SLC9A9: variants seen among roughly 807,000 people sequenced by gnomAD.
The protein encoded by SLC9A9 is solute carrier family 9 member A9, also known as sodium/hydrogen exchanger 9.
In SLC9A9, 62 loss-of-function variants were observed where a neutral mutation model predicts 77.8. The ratio of observed to expected loss-of-function variants is 0.80; its 90% confidence interval spans 0.65 to 0.98. The LOEUF is 0.98. Ranked by LOEUF, SLC9A9 falls within the 50% of genes least tolerant of loss-of-function variation. The pLI is 0.00. For missense variants in SLC9A9, 775 were observed against 774.9 expected, an observed-to-expected ratio of 1.00 and a Z score of 0.00; for synonymous variants, 320 against 283.5, an observed-to-expected ratio of 1.13 and a Z score of -1.29.
intron 4 of SLC9A9, among the ~76,000 whole-genome samples, chr3:143,719,274 A>G (rs1485571704): frequency 9.2e-5 from 14 of 152,140 alleles, no homozygotes; most frequent in Admixed American, 5.2e-4. Flanking sequence ...ACACACCTCC[A>G]TTTCTACTGG....
chr3:143,476,613 G>A (rs838631), intron 11 of SLC9A9, among the ~76,000 whole-genome samples: 111,097 of 152,180 alleles, frequency 0.73, 40,751 homozygotes, highest in African/African-American at 0.79. Flanking sequence ...GAGAGTTTCA[G>A]GAGAAAGGCT....
Position 143,796,838 on chromosome 3 carries a change from A to G in SLC9A9, c.444T>C (p.Tyr148=). The change falls in exon 3 of 16, where the codon TAT becomes TAC. Residue 148 remains tyrosine, a synonymous_variant. Transcript: ENST00000316549. ...LLPPIIFHAG[Y]SLKKRHFFQN... ...ACTATATATTTACCTTCTTTAGACTATATCCTGCATGAAATATAATTGGTG... is the reference window on the plus strand; with the variant it reads ...ACTATATATTTACCTTCTTTAGACTGTATCCTGCATGAAATATAATTGGTG... 2 of 1,608,278 alleles carry G rather than the reference A, an allele frequency of 1.2e-6. No individual in the cohort carries two copies. Among genetic ancestry groups the G allele is most frequent in the Non-Finnish European group, 8.5e-7 (1 of 1,175,384 alleles).
intron 6 of SLC9A9, among the ~76,000 whole-genome samples, chr3:143,623,679 A>C (rs1387038540): frequency 6.6e-6 from 1 of 152,222 alleles, no homozygotes; most frequent in African/African-American, 2.4e-5. Flanking sequence ...TCTAAAATTG[A>C]CACCCTAACA....
intron 6 of SLC9A9, among the ~76,000 whole-genome samples, chr3:143,615,167 A>G (rs1245510609): frequency 6.6e-6 from 1 of 152,210 alleles, no homozygotes; most frequent in East Asian, 1.9e-4. Flanking sequence ...TGAATTTAGA[A>G]TGATAATCCC....
intron 4 of SLC9A9, among the ~76,000 whole-genome samples, chr3:143,793,844 T>C (rs1271149861): frequency 6.6e-6 from 1 of 152,136 alleles, no homozygotes; most frequent in Non-Finnish European, 1.5e-5. Context: ...AGAAAAGCCC[T>C]CCTAGAACAT....
At chr3:143,806,592 TA>T (rs1329396920) in intron 2 of SLC9A9, among the ~76,000 whole-genome samples, 1 of 152,204 alleles carries the variant, frequency 6.6e-6, no homozygotes, top group Non-Finnish European at 1.5e-5. Flanking sequence ...AAGGATTTTT[TA>T]ATTAAAAATT....
intron 5 of SLC9A9, among the ~76,000 whole-genome samples, chr3:143,657,326 A>C (rs2038907511): frequency 6.6e-6 from 1 of 152,218 alleles, no homozygotes; most frequent in African/African-American, 2.4e-5. Context: ...ATTTTATTTT[A>C]ACCATCAATA....
chr3:143,662,601 A>G (rs910806414), intron 5 of SLC9A9, among the ~76,000 whole-genome samples: 4 of 151,978 alleles, frequency 2.6e-5, no homozygotes, highest in Non-Finnish European at 5.9e-5. Flanking sequence ...CTCGTGCTCT[A>G]ATACTGTGCT....
At chr3:143,456,799 A>G (rs1097940) in intron 12 of SLC9A9, among the ~76,000 whole-genome samples, 77,422 of 151,928 alleles carry the variant, frequency 0.51, 20,469 homozygotes, top group Non-Finnish European at 0.58. Flanking sequence ...TCCTGACCTC[A>G]TGATCCATCC....
At chr3:143,274,808 C>G (rs1226457008) in intron 14 of SLC9A9, among the ~76,000 whole-genome samples, 1 of 152,188 alleles carries the variant, frequency 6.6e-6, no homozygotes, top group Non-Finnish European at 1.5e-5. Context: ...TAACAATTAC[C>G]TAAAACATTA....
chr3:143,618,855 T>C (rs1380966052), intron 6 of SLC9A9, among the ~76,000 whole-genome samples: 3 of 152,208 alleles, frequency 2.0e-5, no homozygotes, highest in Non-Finnish European at 4.4e-5. Flanking sequence ...GAATTTCCTA[T>C]CTACTTGGCC....
intron 4 of SLC9A9, among the ~76,000 whole-genome samples, chr3:143,734,917 T>C (rs1934901542): frequency 1.3e-5 from 2 of 152,146 alleles, no homozygotes; most frequent in African/African-American, 4.8e-5. Context: ...CTCTTGTGGC[T>C]AAGGCATAAT....
At chr3:143,288,149 AT>A (rs1417672460) in intron 14 of SLC9A9, among the ~76,000 whole-genome samples, 1 of 152,160 alleles carries the variant, frequency 6.6e-6, no homozygotes, top group East Asian at 1.9e-4. Flanking sequence ...CTTATGGAAA[AT>A]AGCCTTCAAA....
intron 1 of SLC9A9, among the ~76,000 whole-genome samples, chr3:143,837,813 C>A (rs193026561): frequency 3.9e-4 from 59 of 152,300 alleles, no homozygotes; most frequent in African/African-American, 1.3e-3. Context: ...TCACATCCTA[C>A]AGGAGAGACA....
intron 5 of SLC9A9, among the ~76,000 whole-genome samples, chr3:143,654,165 G>A (rs2038847635): frequency 1.3e-5 from 2 of 152,138 alleles, no homozygotes; most frequent in Non-Finnish European, 2.9e-5. Flanking sequence ...AAAAGCATGC[G>A]AGGTAATACA....
At chr3:143,277,761 C>T (rs1239710559) in intron 14 of SLC9A9, among the ~76,000 whole-genome samples, 1 of 152,206 alleles carries the variant, frequency 6.6e-6, no homozygotes, top group African/African-American at 2.4e-5. Context: ...TAGATGCCCT[C>T]TGTTAGCTTG....
intron 4 of SLC9A9, among the ~76,000 whole-genome samples, chr3:143,781,889 G>T (rs575844879): frequency 2.0e-5 from 3 of 152,148 alleles, no homozygotes; most frequent in Admixed American, 1.3e-4. Context: ...ATAAAGCATC[G>T]CAGAGCTGTA....
At chr3:143,366,511 A>C (rs2032906192) in intron 13 of SLC9A9, among the ~76,000 whole-genome samples, 1 of 152,210 alleles carries the variant, frequency 6.6e-6, no homozygotes, top group African/African-American at 2.4e-5. Context: ...ACGTAACTTC[A>C]TTGGGCTGCA....
In SLC9A9 at chr3:143,768,008, A is replaced by T. The variant is rs145751738; in HGVS notation, c.533+26993T>A. Among the ~76,000 whole-genome samples, 673 of 152,330 alleles carry T rather than the reference A, an allele frequency of 4.4e-3. 4 individuals are homozygous for T. Among genetic ancestry groups the T allele is most frequent in the African/African-American group, 0.015 (636 of 41,568 alleles). ...GGACAAGGCAATTAAAGGTAAATAGATGACAGCTATTGAGATGCTTTCCAT... is the reference window on the plus strand; with the variant it reads ...GGACAAGGCAATTAAAGGTAAATAGTTGACAGCTATTGAGATGCTTTCCAT... On this transcript the variant is annotated intron_variant, in intron 4 of 15. Coordinates refer to ENST00000316549, the MANE Select transcript of SLC9A9 (RefSeq NM_173653.4).
Sources: gnomAD v4.1 joint callset for allele counts (sites outside exome capture counted in the v4.1 genomes callset) on GRCh38, gnomAD v4.1.1 for gene constraint, MANE v1.5 for transcripts, NCBI Gene and HGNC (gene_info 2026-07-23, HGNC 2026-07-21) for gene names.